LRRK2: variants seen among roughly 807,000 people sequenced by gnomAD.
LRRK2 encodes the protein leucine-rich repeat serine/threonine-protein kinase 2.
Under a neutral mutation model 302.6 loss-of-function variants are expected in LRRK2, and 203 were observed. The ratio of observed to expected loss-of-function variants is 0.67; its 90% CI spans 0.60 to 0.75. The LOEUF (loss-of-function observed/expected upper bound fraction) is 0.75, where lower values mean the gene tolerates loss of function less well. Among genes scored for constraint, LRRK2 ranks in the 30% least tolerant of loss-of-function variants. The pLI, the probability that LRRK2 is intolerant of heterozygous loss-of-function variation, is 0.00. For missense variants in LRRK2, 2,830 were observed against 2,951.0 expected (o/e 0.96, Z 0.95); for synonymous variants, 1,066 against 1,031.9 (o/e 1.03, Z -0.63).
At chr12:40,344,962 T>C (rs1946149765) in intron 41 of LRRK2, among the ~76,000 whole-genome samples, 1 of 152,160 alleles carries the variant, frequency 6.6e-6, no homozygotes, top group South Asian at 2.1e-4. Flanking sequence ...GGGGTTATCA[T>C]ACTCAAATTC....
chr12:40,280,362 G>A (rs1405356482), intron 18 of LRRK2, among the ~76,000 whole-genome samples: 2 of 152,048 alleles, frequency 1.3e-5, no homozygotes, highest in African/African-American at 4.8e-5. Context: ...GGTGGCTCAT[G>A]CCTGTAATCC....
In LRRK2 at chr12:40,354,394, C is replaced by T. The variant is rs1285008293; in HGVS notation, c.6672C>T (p.Leu2224=). The part of the protein sequence containing the change: ...WIVSGTQSGT[L]LVINTEDGKK... ...TGTCTGGGACACAGTCTGGTACTCTCCTGGTCATCAATACCGAAGATGGGA... is the reference window on the plus strand; with the variant it reads ...TGTCTGGGACACAGTCTGGTACTCTTCTGGTCATCAATACCGAAGATGGGA... The change falls in exon 45 of 51, where the codon CTC becomes CTT. Residue 2224 remains leucine (L), a synonymous_variant. Transcript: ENST00000298910. The T allele has an allele frequency of 3.7e-6, 6 of 1,614,074 alleles. No individual in the cohort carries two copies. The highest frequency in any genetic ancestry group is 2.2e-5 in the East Asian group (1 of 44,854).
At chr12:40,228,735 T>C (rs1290975543) in intron 2 of LRRK2, among the ~76,000 whole-genome samples, 1 of 152,204 alleles carries the variant, frequency 6.6e-6, no homozygotes, top group African/African-American at 2.4e-5. Context: ...TTTTCAGGTC[T>C]GAGATGTAAG....
intron 50 of LRRK2, 81 bp from the exon 51 acceptor site, chr12:40,367,563 A>C: frequency 7.0e-7 from 1 of 1,430,000 alleles, no homozygotes; most frequent in Non-Finnish European, 9.5e-7. Context: ...TCAACTAAAA[A>C]TACATGAGCC....
Position 40,348,712 on chromosome 12 carries a change from C to G in LRRK2, c.6381+203C>G, listed in dbSNP as rs549303363. Among the ~76,000 whole-genome samples the G allele has an allele frequency of 3.9e-5, 6 of 152,256 alleles. No individual in the cohort carries two copies. The South Asian group carries it at 6.2e-4, about 16-fold the overall frequency. Reference sequence around the variant, plus strand: ...CAAAACCTCACATGCTCCCATATGCCTGTCTCCTCTTCTCTTCTTTGAAAT... The same window carrying G: ...CAAAACCTCACATGCTCCCATATGCGTGTCTCCTCTTCTCTTCTTTGAAAT... On this transcript the variant is annotated intron_variant, in intron 43 of 50. Transcript: ENST00000298910.
At chr12:40,235,793 G>GTTT (rs36024911) in intron 4 of LRRK2, 79 bp downstream of exon 4, 10,720 of 453,808 alleles carry the variant, frequency 0.024, 7 homozygotes, top group East Asian at 0.045. Flanking sequence ...GTGTGTGTGT[G>GTTT]TTTTTTTTTT....
chr12:40,347,520 G>A (rs1344835175), intron 42 of LRRK2, among the ~76,000 whole-genome samples: 2 of 152,134 alleles, frequency 1.3e-5, no homozygotes, highest in Non-Finnish European at 2.9e-5. Flanking sequence ...ACTTTTGAGT[G>A]TACACAATGT....
chr12:40,240,560 G>T lies in LRRK2; in HGVS notation c.649G>T (p.Asp217Tyr). The change falls in exon 6 of 51, where the codon GAT becomes TAT. Residue 217 changes from aspartate to tyrosine, a missense_variant. This residue lies in a region of LRRK2 where 2,121 missense variants were observed against 2,148.0 expected (regional missense o/e 0.99). Coordinates refer to ENST00000298910, the MANE Select transcript of LRRK2 (RefSeq NM_198578.4). ...GTTAAGTGCGTTAACAAATTTTAAA[G>T]ATGAAGAGGAAATTGTGCTTCATGT... ...ILLSALTNFK[D>Y]EEEIVLHVLH... is the part of the protein sequence containing the mutation. 6.2e-7 allele frequency: 1 copy of T among 1,613,406 alleles called. No individual in the cohort carries two copies.
intron 49 of LRRK2, chr12:40,366,611 CATCT>C (rs780202407): frequency 8.4e-5 from 15 of 178,734 alleles, no homozygotes; most frequent in South Asian, 2.3e-4. Context: ...TATATCCATC[CATCT>C]AAGTGTCCAT....
At position 40,367,036 on chromosome 12, in the gene LRRK2, G is replaced by T. The variant is rs909619839; in HGVS notation, c.7421G>T (p.Gly2474Val). The T allele has an allele frequency of 1.2e-6, 2 of 1,608,808 alleles. No individual in the cohort carries two copies. The change falls in exon 50 of 51, where the codon GGC (glycine) becomes GTC (valine). Residue 2474 changes from glycine (G) to valine (V), a missense_variant. Around this residue, in one of 3 missense-constraint regions of LRRK2, gnomAD observed 456 missense variants for 456.3 expected, o/e 1.00. Transcript: ENST00000298910. ...CTTAAAAATGTCATGCTGGTATTGG[G>T]CTACAACCGGAAAAATACTGAAGGT... ...GSLKNVMLVL[G>V]YNRKNTEGTQ...
At chr12:40,324,750 AG>A (rs1373723733) in intron 38 of LRRK2, among the ~76,000 whole-genome samples, 1 of 152,186 alleles carries the variant, frequency 6.6e-6, no homozygotes, top group Non-Finnish European at 1.5e-5. Flanking sequence ...TTTGGAACTC[AG>A]GAAGTTAATG....
chr12:40,282,557 T>G (rs1943754808), intron 18 of LRRK2, among the ~76,000 whole-genome samples: 2 of 152,134 alleles, frequency 1.3e-5, no homozygotes, highest in South Asian at 4.1e-4. Flanking sequence ...TTTGGGGTAA[T>G]AGAAATAGCA....
At chr12:40,251,985 T>A (rs1942295816) in intron 10 of LRRK2, among the ~76,000 whole-genome samples, 1 of 152,176 alleles carries the variant, frequency 6.6e-6, no homozygotes, top group South Asian at 2.1e-4. Context: ...TGTGACAGAG[T>A]TGACCTGTCT....
intron 47 of LRRK2, among the ~76,000 whole-genome samples, chr12:40,361,545 C>T (rs915896026): frequency 1.3e-5 from 2 of 151,928 alleles, no homozygotes; most frequent in African/African-American, 4.8e-5. Context: ...GCCTGAAAAC[C>T]TTTAAAAAGA....
intron 28 of LRRK2, among the ~76,000 whole-genome samples, chr12:40,307,123 T>C (rs996851525): frequency 6.6e-6 from 1 of 151,844 alleles, no homozygotes; most frequent in African/African-American, 2.4e-5. Flanking sequence ...CAGAAAGACC[T>C]AGAGCAGATT....
At chr12:40,287,116 A>G (rs1943955363) in intron 19 of LRRK2, among the ~76,000 whole-genome samples, 1 of 151,970 alleles carries the variant, frequency 6.6e-6, no homozygotes, top group African/African-American at 2.4e-5. Flanking sequence ...TTAGTTCCAT[A>G]GAGATTCAGT....
At chr12:40,262,593 C>T (rs17465912) in intron 13 of LRRK2, among the ~76,000 whole-genome samples, 17,938 of 152,112 alleles carry the variant, frequency 0.12, 1,140 homozygotes, top group South Asian at 0.16. Context: ...ACAGTCCACA[C>T]GACCTAAAGG....
intron 20 of LRRK2, among the ~76,000 whole-genome samples, chr12:40,288,817 G>A (rs1944030877): frequency 6.6e-6 from 1 of 151,776 alleles, no homozygotes; most frequent in Non-Finnish European, 1.5e-5. Flanking sequence ...TAGAAGTTGT[G>A]ACAGGTATAT....
Position 40,322,302 on chromosome 12 carries a change from T to A in LRRK2, c.5318-17T>A, listed in dbSNP as rs777100528. The A allele has an allele frequency of 6.2e-7, 1 of 1,613,340 alleles. No homozygotes were observed. Among genetic ancestry groups the A allele is most frequent in the African/African-American group, 1.3e-5 (1 of 74,890 alleles). On this transcript the variant is annotated splice_polypyrimidine_tract_variant and intron_variant, in intron 36 of 50. Transcript: ENST00000298910. The stretch of plus-strand genomic sequence containing the variant: ...GAGGTTTAGACAAGGTGTTGAGCTC[T>A]GTTTTGAATCATGTAGGCTGTATTC...
Sources: gnomAD v4.1 joint callset for allele counts (sites outside exome capture counted in the v4.1 genomes callset) on GRCh38, gnomAD v4.1.1 for gene constraint, gnomAD v4.1.1 regional missense constraint, MANE v1.5 for transcripts, NCBI Gene and HGNC (gene_info 2026-07-23, HGNC 2026-07-21) for gene names.